The following FOXP1 variants were observed in gnomAD, a reference collection of about 807,000 sequenced individuals.
FOXP1 encodes the protein forkhead box P1, also known as forkhead box protein P1.
In FOXP1, 15 loss-of-function variants were observed where a neutral mutation model predicts 98.2. The ratio of observed to expected loss-of-function variants is 0.15; its 90% CI spans 0.10 to 0.24. The LOEUF is 0.24. FOXP1 is among the 10% of genes least tolerant of loss of function. The pLI is 1.00. For missense variants in FOXP1, 633 were observed against 848.5 expected (o/e 0.75, Z 3.15); for synonymous variants, 371 against 314.5 (o/e 1.18, Z -1.90).
In FOXP1 at chr3:70,977,046, T is replaced by TGAAGCAGAATGTAAC; in HGVS notation, c.1429-19_1429-5dup. 1.3e-6 allele frequency: 2 copies of TGAAGCAGAATGTAAC among 1,580,738 alleles called. No individual in the cohort carries two copies. Among genetic ancestry groups the TGAAGCAGAATGTAAC allele is most frequent in the Non-Finnish European group, 1.7e-6 (2 of 1,149,694 alleles). ...TTTCTGGAGATTCGAGAATGGCCTGTGAAGCAGAATGTAACAGAAGATAAT... is the reference window on the plus strand; with the variant it reads ...TTTCTGGAGATTCGAGAATGGCCTGTGAAGCAGAATGTAACGAAGCAGAATGTAACAGAAGATAAT... On this transcript the variant is annotated splice_region_variant and splice_polypyrimidine_tract_variant and intron_variant, in intron 16 of 20. Coordinates refer to ENST00000649528, the MANE Select transcript of FOXP1 (RefSeq NM_001349338.3).
chr3:71,075,097 T>C (rs2053658685), intron 7 of FOXP1, among the ~76,000 whole-genome samples: 1 of 152,198 alleles, frequency 6.6e-6, no homozygotes, highest in Non-Finnish European at 1.5e-5. Context: ...TTATTTGGTC[T>C]CTAATCATAA....
chr3:71,082,881 G>A (rs2054602288), intron 7 of FOXP1, among the ~76,000 whole-genome samples: 1 of 152,118 alleles, frequency 6.6e-6, no homozygotes, highest in South Asian at 2.1e-4. Flanking sequence ...AAACAATATG[G>A]CTAGCAATAT....
intron 5 of FOXP1, among the ~76,000 whole-genome samples, chr3:71,259,889 T>C (rs987616049): frequency 6.6e-6 from 1 of 151,846 alleles, no homozygotes; most frequent in African/African-American, 2.4e-5. Flanking sequence ...GGATAGAGGG[T>C]GGGGGTGCTG....
chr3:71,058,445 C>T lies in FOXP1; in HGVS notation c.283-4672G>A, dbSNP rs577190938. ...ATGTATGTCCCAGGAAATTCACTTC[C>T]GTTCTAGCCTTCAGGCTGTATTTGG... On this transcript the variant is annotated intron_variant, in intron 7 of 20. Transcript: ENST00000649528. Among the ~76,000 whole-genome samples, 11 of 152,148 alleles carry T rather than the reference C, an allele frequency of 7.2e-5. No individual in the cohort carries two copies. In the South Asian group the frequency reaches 8.3e-4, roughly 11 times the overall value.
At chr3:71,400,656 C>T (rs1023620771) in intron 3 of FOXP1, among the ~76,000 whole-genome samples, 1 of 152,134 alleles carries the variant, frequency 6.6e-6, no homozygotes, top group African/African-American at 2.4e-5. Flanking sequence ...CACGGCCAGC[C>T]AATTTATGTG....
intron 5 of FOXP1, among the ~76,000 whole-genome samples, chr3:71,215,630 G>A (rs910241102): frequency 5.3e-5 from 8 of 151,484 alleles, no homozygotes; most frequent in Non-Finnish European, 1.5e-5. Context: ...TAAAATGAAC[G>A]TGAACTAACA....
chr3:71,103,656 T>C (rs934443443), intron 7 of FOXP1, among the ~76,000 whole-genome samples: 1 of 152,066 alleles, frequency 6.6e-6, no homozygotes, highest in Non-Finnish European at 1.5e-5. Flanking sequence ...GACCTCACTG[T>C]GCATGTGTCA....
intron 13 of FOXP1, among the ~76,000 whole-genome samples, chr3:70,997,064 G>A (rs1303067106): frequency 6.6e-6 from 1 of 152,212 alleles, no homozygotes; most frequent in Non-Finnish European, 1.5e-5. Context: ...TTCCTGGACT[G>A]ATAAATGCTT....
At chr3:71,498,572 G>A (rs1222276801) in intron 2 of FOXP1, among the ~76,000 whole-genome samples, 4 of 152,126 alleles carry the variant, frequency 2.6e-5, no homozygotes, top group African/African-American at 9.7e-5. Flanking sequence ...CATTTCTATT[G>A]AAGAATGTCT....
At chr3:71,413,223 AC>A (rs112323442) in intron 3 of FOXP1, among the ~76,000 whole-genome samples, 5 of 51,912 alleles carry the variant, frequency 9.6e-5, no homozygotes, top group Non-Finnish European at 1.5e-4. Context: ...ACACACACAC[AC>A]CCCCCCAAAT....
intron 7 of FOXP1, among the ~76,000 whole-genome samples, chr3:71,107,143 G>A (rs1409435237): frequency 2.0e-5 from 3 of 152,284 alleles, no homozygotes; most frequent in Admixed American, 2.0e-4. Context: ...TGGGCAGACT[G>A]GGACACAGGG....
intron 3 of FOXP1, among the ~76,000 whole-genome samples, chr3:71,372,577 G>A (rs576863748): frequency 8.5e-5 from 13 of 152,266 alleles, no homozygotes; most frequent in Non-Finnish European, 1.6e-4. Context: ...AGAGGGCAAA[G>A]GTCTGTTTCC....
chr3:71,149,176 C>T (rs146745633), intron 6 of FOXP1, among the ~76,000 whole-genome samples: 4 of 152,094 alleles, frequency 2.6e-5, no homozygotes, highest in Non-Finnish European at 5.9e-5. Context: ...AGTTTAAGTA[C>T]GTTTAAGAAG....
intron 4 of FOXP1, among the ~76,000 whole-genome samples, chr3:71,325,319 C>T (rs1576979754): frequency 1.3e-5 from 2 of 152,196 alleles, no homozygotes; most frequent in East Asian, 3.9e-4. Context: ...TCCCAAAGTG[C>T]TGGGATTACA....
chr3:71,195,015 C>A (rs2063215837), intron 6 of FOXP1, among the ~76,000 whole-genome samples: 1 of 152,156 alleles, frequency 6.6e-6, no homozygotes, highest in Admixed American at 6.5e-5. Flanking sequence ...ATGAGCAATG[C>A]TGCTGGTGGG....
intron 7 of FOXP1, among the ~76,000 whole-genome samples, chr3:71,063,657 A>G (rs1002141376): frequency 1.3e-5 from 2 of 152,266 alleles, no homozygotes; most frequent in Admixed American, 6.5e-5. Context: ...AGTCATTGAT[A>G]GTATGATTCA....
chr3:71,417,766 A>G (rs1181532628), intron 3 of FOXP1, among the ~76,000 whole-genome samples: 1 of 152,154 alleles, frequency 6.6e-6, no homozygotes, highest in African/African-American at 2.4e-5. Flanking sequence ...ACAAGTTTGG[A>G]CAGAGCTGAG....
At chr3:71,575,387 C>T (rs1238393231) in intron 2 of FOXP1, among the ~76,000 whole-genome samples, 4 of 152,160 alleles carry the variant, frequency 2.6e-5, no homozygotes, top group South Asian at 2.1e-4. Flanking sequence ...TATAAATGTA[C>T]GTTACCATGT....
intron 3 of FOXP1, among the ~76,000 whole-genome samples, chr3:71,482,460 C>T (rs1450002201): frequency 6.6e-6 from 1 of 150,542 alleles, no homozygotes; most frequent in Non-Finnish European, 1.5e-5. Context: ...CCTCGGCCTC[C>T]TGGGTTCAAG....
Sources: gnomAD v4.1 joint callset for allele counts (sites outside exome capture counted in the v4.1 genomes callset) on GRCh38, gnomAD v4.1.1 for gene constraint, MANE v1.5 for transcripts, NCBI Gene and HGNC (gene_info 2026-07-23, HGNC 2026-07-21) for gene names.